PALM2AKAP2: variants seen among roughly 807,000 people sequenced by gnomAD.
PALM2AKAP2 encodes PALM2 and AKAP2 fusion.
Under a neutral mutation model 71.5 loss-of-function variants are expected in PALM2AKAP2, and 37 were observed. The ratio of observed to expected loss-of-function variants is 0.52; its 90% CI spans 0.40 to 0.68. PALM2AKAP2 has a LOEUF of 0.68. PALM2AKAP2 is among the 30% of genes least tolerant of loss of function. The pLI is 0.00. For synonymous variants in PALM2AKAP2, 468 were observed against 478.8 expected (o/e 0.98, Z 0.29); for missense variants, 1,224 against 1,191.8 (o/e 1.03, Z -0.40).
intron 3 of PALM2AKAP2, among the ~76,000 whole-genome samples, chr9:110,160,152 TC>T (rs1836560230): frequency 6.6e-6 from 1 of 152,086 alleles, no homozygotes; most frequent in Non-Finnish European, 1.5e-5. Context: ...CCACCCTTGT[TC>T]CTCTATGAAG....
intron 1 of PALM2AKAP2, among the ~76,000 whole-genome samples, chr9:109,681,563 T>C (rs1827734033): frequency 6.6e-6 from 1 of 152,106 alleles, no homozygotes; most frequent in African/African-American, 2.4e-5. Flanking sequence ...ATATGCCTAA[T>C]TATGAGACAA....
chr9:109,942,615 G>C, intron 6 of PALM2AKAP2: 2 of 1,494,200 alleles, frequency 1.3e-6, no homozygotes, highest in Non-Finnish European at 1.8e-6. Flanking sequence ...TTTTTTGTCT[G>C]TTTGGCAATT....
chr9:110,142,200 T>C (rs951507923), intron 2 of PALM2AKAP2, among the ~76,000 whole-genome samples: 1 of 151,468 alleles, frequency 6.6e-6, no homozygotes, highest in Middle Eastern at 3.4e-3. Flanking sequence ...GCCTCCTGAA[T>C]AGCTGGGATT....
intron 1 of PALM2AKAP2, among the ~76,000 whole-genome samples, chr9:109,753,336 G>A (rs191580751): frequency 3.9e-5 from 6 of 152,248 alleles, no homozygotes; most frequent in East Asian, 1.9e-4. Context: ...TTCCAAAACC[G>A]TTCCAGTTCT....
intron 1 of PALM2AKAP2, among the ~76,000 whole-genome samples, chr9:109,683,315 C>A (rs1188919321): frequency 6.6e-6 from 1 of 152,126 alleles, no homozygotes; most frequent in Admixed American, 6.5e-5. Context: ...GAGATGAGAT[C>A]ATTCTTGATT....
chr9:109,812,559 C>T (rs1005167124), intron 1 of PALM2AKAP2, among the ~76,000 whole-genome samples: 1 of 152,144 alleles, frequency 6.6e-6, no homozygotes. Flanking sequence ...CTGCTCTCTT[C>T]CCACAGTGCA....
intron 6 of PALM2AKAP2, among the ~76,000 whole-genome samples, chr9:110,009,396 T>C (rs1832837881): frequency 6.6e-6 from 1 of 152,128 alleles, no homozygotes; most frequent in Non-Finnish European, 1.5e-5. Context: ...CATTGTTTAC[T>C]GTTACATTGT....
intron 1 of PALM2AKAP2, among the ~76,000 whole-genome samples, chr9:109,855,809 G>C (rs1195061267): frequency 6.6e-6 from 1 of 152,186 alleles, no homozygotes; most frequent in Non-Finnish European, 1.5e-5. Flanking sequence ...GCAGTGCAAA[G>C]AAGGGAAGTA....
intron 1 of PALM2AKAP2, among the ~76,000 whole-genome samples, chr9:110,054,881 C>T (rs1833799683): frequency 6.6e-6 from 1 of 152,228 alleles, no homozygotes; most frequent in South Asian, 2.1e-4. Context: ...CAGGCATGAG[C>T]CGCCATGTGC....
At chr9:109,966,788 G>A (rs1165633567) in intron 6 of PALM2AKAP2, among the ~76,000 whole-genome samples, 1 of 152,220 alleles carries the variant, frequency 6.6e-6, no homozygotes, top group Non-Finnish European at 1.5e-5. Context: ...ATGTTTGGCA[G>A]TCTTGTGAAA....
chr9:110,001,274 G>C (rs552672813), intron 6 of PALM2AKAP2, among the ~76,000 whole-genome samples: 1 of 152,138 alleles, frequency 6.6e-6, no homozygotes, highest in African/African-American at 2.4e-5. Context: ...ATAGGGAATT[G>C]TTTCCCCATT....
intron 1 of PALM2AKAP2, among the ~76,000 whole-genome samples, chr9:109,850,655 T>C (rs908771441): frequency 2.0e-5 from 3 of 152,230 alleles, no homozygotes; most frequent in Non-Finnish European, 4.4e-5. Flanking sequence ...TATCATTGAC[T>C]TGTGGCTAAA....
At chr9:110,142,553 A>C (rs1836060327) in intron 2 of PALM2AKAP2, among the ~76,000 whole-genome samples, 1 of 152,254 alleles carries the variant, frequency 6.6e-6, no homozygotes, top group East Asian at 1.9e-4. Flanking sequence ...ATGACAGAGA[A>C]GCACAGAGAC....
intron 1 of PALM2AKAP2, among the ~76,000 whole-genome samples, chr9:109,671,239 G>A (rs1359865862): frequency 6.6e-6 from 1 of 152,118 alleles, no homozygotes; most frequent in Non-Finnish European, 1.5e-5. Context: ...ATAGCTTTGG[G>A]TTTTACATTT....
At chr9:109,891,671 C>T (rs921442200) in intron 3 of PALM2AKAP2, among the ~76,000 whole-genome samples, 7 of 152,090 alleles carry the variant, frequency 4.6e-5, no homozygotes, top group African/African-American at 9.7e-5. Context: ...TTGTATTTTT[C>T]GTAATGATGG....
chr9:109,904,374 C>T (rs1483854402), intron 3 of PALM2AKAP2, among the ~76,000 whole-genome samples: 1 of 152,154 alleles, frequency 6.6e-6, no homozygotes, highest in Non-Finnish European at 1.5e-5. Context: ...TAAAGCATTA[C>T]ACAAATGTTG....
intron 1 of PALM2AKAP2, among the ~76,000 whole-genome samples, chr9:109,731,735 A>G (rs1828558939): frequency 6.6e-6 from 1 of 152,262 alleles, no homozygotes; most frequent in Non-Finnish European, 1.5e-5. Context: ...ATTTTGTAAT[A>G]TAAACTGGAA....
chr9:110,010,172 T>A (rs1832854020), intron 6 of PALM2AKAP2, among the ~76,000 whole-genome samples: 1 of 152,186 alleles, frequency 6.6e-6, no homozygotes, highest in Admixed American at 6.5e-5. Context: ...AGTAGACAGG[T>A]CTCAATTTCT....
intron 1 of PALM2AKAP2, among the ~76,000 whole-genome samples, chr9:109,657,659 T>C (rs1266127850): frequency 6.6e-6 from 1 of 151,918 alleles, no homozygotes; most frequent in East Asian, 1.9e-4. Context: ...GGGAGCGAGT[T>C]GGTATAGTTA....
Sources: gnomAD v4.1 joint callset for allele counts (sites outside exome capture counted in the v4.1 genomes callset) on GRCh38, gnomAD v4.1.1 for gene constraint, MANE v1.5 for transcripts, NCBI Gene and HGNC (gene_info 2026-07-23, HGNC 2026-07-21) for gene names.